Variants in ADK observed in about 807,000 individuals in gnomAD.
ADK encodes adenosine kinase, also known as N6,N6-dimethyladenosine kinase.
A neutral mutation model predicts 44.7 loss-of-function variants in ADK; 24 were observed. That is an observed-to-expected ratio of 0.54 (90% CI 0.39 to 0.76). The LOEUF is 0.76. Ranked by LOEUF, ADK falls within the 30% of genes least tolerant of loss-of-function variation. ADK has a pLI of 0.00. For missense variants in ADK, 321 were observed against 425.1 expected, an observed-to-expected ratio of 0.76 and a Z score of 2.15; for synonymous variants, 128 against 142.6, an observed-to-expected ratio of 0.90 and a Z score of 0.73.
rs536161712 is a variant in ADK, at chr10:74,274,239, C to G, written c.195-40428C>G. On this transcript the variant is annotated intron_variant, in intron 3 of 10. Coordinates refer to ENST00000539909, the MANE Select transcript of ADK (RefSeq NM_006721.4). ...ATATGTATTAAACACTGTATTCTTA[C>G]AATAAAGCTAGAGAAAACAAAGTGT... is the stretch of plus-strand genomic sequence containing the variant. Among the ~76,000 whole-genome samples, 7 of 152,184 alleles carry G rather than the reference C, an allele frequency of 4.6e-5. No homozygotes were observed. The South Asian group carries it at 1.5e-3, about 32-fold the overall frequency.
intron 6 of ADK, among the ~76,000 whole-genome samples, chr10:74,457,534 A>G (rs191592316): frequency 3.3e-5 from 5 of 152,366 alleles, no homozygotes; most frequent in African/African-American, 9.6e-5. Context: ...TACCCAAAGG[A>G]TTATAAATCA....
intron 6 of ADK, among the ~76,000 whole-genome samples, chr10:74,503,754 G>A (rs1245613098): frequency 6.6e-6 from 1 of 152,086 alleles, no homozygotes; most frequent in African/African-American, 2.4e-5. Flanking sequence ...GATGGAGAAG[G>A]ATTATAACAC....
intron 7 of ADK, among the ~76,000 whole-genome samples, chr10:74,556,483 A>G (rs1850251085): frequency 6.6e-6 from 1 of 152,210 alleles, no homozygotes; most frequent in South Asian, 2.1e-4. Context: ...AGCTAAAAGA[A>G]CAGTTTCACT....
chr10:74,185,218 A>C (rs767581724), intron 1 of ADK, among the ~76,000 whole-genome samples: 18 of 152,242 alleles, frequency 1.2e-4, no homozygotes, highest in Non-Finnish European at 2.2e-4. Flanking sequence ...TGGGGAACTT[A>C]CTATTTGATA....
chr10:74,683,332 G>A lies in ADK; in HGVS notation c.964+13063G>A, dbSNP rs139642759. On this transcript the variant is annotated intron_variant, in intron 10 of 10. Coordinates refer to ENST00000539909, the MANE Select transcript of ADK (RefSeq NM_006721.4). ...GTACTACCACCAGTCAGGAGGTTGT[G>A]CAACCTATTTGAAGTCAATATGATG... Among the ~76,000 whole-genome samples the A allele has an allele frequency of 6.1e-4, 93 of 152,280 alleles. No individual in the cohort carries two copies. The East Asian group carries it at 0.016, about 26-fold the overall frequency.
chr10:74,492,919 G>T (rs987544815), intron 6 of ADK, among the ~76,000 whole-genome samples: 6 of 151,954 alleles, frequency 3.9e-5, no homozygotes, highest in Admixed American at 3.9e-4. Flanking sequence ...ATCTCTTGTG[G>T]GAAGATACTC....
intron 1 of ADK, chr10:74,176,634 G>A: frequency 4.3e-6 from 6 of 1,401,556 alleles, no homozygotes; most frequent in Middle Eastern, 2.7e-4. Context: ...GACACGCGGT[G>A]GCCCACGGCG....
intron 4 of ADK, among the ~76,000 whole-genome samples, chr10:74,338,473 T>TACATCAGCTTAATTTGTAATTG (rs1273275556): frequency 2.6e-5 from 4 of 152,208 alleles, no homozygotes; most frequent in Non-Finnish European, 4.4e-5. Flanking sequence ...CACAAATATT[T>TACATCAGCTTAATTTGTAATTG]ACATCAGCTT....
intron 10 of ADK, among the ~76,000 whole-genome samples, chr10:74,695,620 G>GGGT: frequency 7.9e-6 from 1 of 126,184 alleles, no homozygotes; most frequent in East Asian, 2.7e-4. Flanking sequence ...TATGTGTGGG[G>GGGT]TGTGTGTGTG....
chr10:74,323,228 A>G (rs925387153), intron 4 of ADK, among the ~76,000 whole-genome samples: 2 of 151,998 alleles, frequency 1.3e-5, no homozygotes, highest in African/African-American at 4.8e-5. Flanking sequence ...GGTCCTATGG[A>G]TGGTATATTC....
chr10:74,406,804 C>T (rs1029342072), intron 6 of ADK, among the ~76,000 whole-genome samples: 1 of 151,820 alleles, frequency 6.6e-6, no homozygotes, highest in African/African-American at 2.4e-5. Flanking sequence ...CCTCAGCCTC[C>T]TGAGTAGCTG....
At chr10:74,206,245 A>G (rs967924409) in intron 2 of ADK, among the ~76,000 whole-genome samples, 4 of 152,246 alleles carry the variant, frequency 2.6e-5, no homozygotes, top group African/African-American at 9.6e-5. Flanking sequence ...AAGAATTGAA[A>G]TTTGGGATAT....
At chr10:74,594,671 T>TAA (rs10709030) in intron 8 of ADK, among the ~76,000 whole-genome samples, 4 of 131,410 alleles carry the variant, frequency 3.0e-5, no homozygotes, top group African/African-American at 5.4e-5. Context: ...TACAAATAGG[T>TAA]AAAAAAAAAA....
At chr10:74,602,596 G>T (rs926139018) in intron 9 of ADK, among the ~76,000 whole-genome samples, 1 of 152,126 alleles carries the variant, frequency 6.6e-6, no homozygotes, top group Non-Finnish European at 1.5e-5. Flanking sequence ...CCATTCTTAG[G>T]AATGCTTACA....
At chr10:74,225,702 C>T (rs1334945096) in intron 3 of ADK, among the ~76,000 whole-genome samples, 1 of 152,132 alleles carries the variant, frequency 6.6e-6, no homozygotes, top group East Asian at 1.9e-4. Context: ...TTATGCTAAC[C>T]TTTCATCAGT....
At position 74,708,406 on chromosome 10, in the gene ADK, G is replaced by A. The variant is rs745950876; in HGVS notation, c.1050G>A (p.Arg350=). The change falls in exon 11 of 11, where the codon CGG becomes CGA. Residue 350 remains arginine, a synonymous_variant. Transcript: ENST00000539909. ...ATGCAGCAAGCATCATAATTAGACG[G>A]ACTGGCTGCACCTTTCCTGAGAAGC... The part of the protein sequence containing the change: ...GHYAASIIIR[R]TGCTFPEKPD... The A allele has an allele frequency of 5.6e-6, 9 of 1,612,622 alleles. No homozygotes were observed. Among genetic ancestry groups the A allele is most frequent in the Non-Finnish European group, 7.6e-6 (9 of 1,179,644 alleles).
intron 2 of ADK, among the ~76,000 whole-genome samples, chr10:74,213,144 G>A (rs1294657259): frequency 2.6e-5 from 4 of 152,144 alleles, no homozygotes; most frequent in African/African-American, 4.8e-5. Flanking sequence ...GTCTTGCTGT[G>A]TTGCCCAGTC....
At chr10:74,658,912 A>G (rs2134161533) in intron 9 of ADK, among the ~76,000 whole-genome samples, 1 of 152,128 alleles carries the variant, frequency 6.6e-6, no homozygotes, top group Non-Finnish European at 1.5e-5. Context: ...ATACACGTGC[A>G]TATATATATG....
chr10:74,267,489 G>A (rs1846251766), intron 3 of ADK, among the ~76,000 whole-genome samples: 1 of 152,032 alleles, frequency 6.6e-6, no homozygotes, highest in African/African-American at 2.4e-5. Flanking sequence ...TCCAGATTGG[G>A]AATAATTAAG....
Sources: allele counts gnomAD v4.1 joint callset (sites outside exome capture counted in the v4.1 genomes callset), GRCh38; gene constraint gnomAD v4.1.1; transcripts MANE v1.5; gene names NCBI Gene and HGNC (gene_info 2026-07-23, HGNC 2026-07-21).